RABEP1: variants seen among roughly 807,000 people sequenced by gnomAD.
RABEP1 encodes rab GTPase-binding effector protein 1.
Under a neutral mutation model 123.4 loss-of-function variants are expected in RABEP1, and 51 were observed. The observed-to-expected ratio is 0.41, with a 90% CI of 0.33 to 0.52. The LOEUF is 0.52. RABEP1 is among the 20% of genes least tolerant of loss of function. The pLI, the probability that RABEP1 is intolerant of heterozygous loss-of-function variation, is 0.16. For missense variants in RABEP1, 888 were observed against 996.3 expected, an observed-to-expected ratio of 0.89 and a Z score of 1.46; for synonymous variants, 347 against 355.2, an observed-to-expected ratio of 0.98 and a Z score of 0.26.
intron 2 of RABEP1, among the ~76,000 whole-genome samples, chr17:5,324,482 C>G (rs1195949216): frequency 1.3e-5 from 2 of 152,182 alleles, no homozygotes; most frequent in Non-Finnish European, 2.9e-5. Flanking sequence ...TATGAAGCCA[C>G]TAGAGGAAAA....
chr17:5,379,303 T>C (rs1318386927), intron 15 of RABEP1, among the ~76,000 whole-genome samples: 2 of 152,228 alleles, frequency 1.3e-5, no homozygotes, highest in African/African-American at 4.8e-5. Flanking sequence ...ACAGTGTCAT[T>C]GCATAGGTGC....
At chr17:5,377,091 A>G (rs765615125) in intron 13 of RABEP1, 25 bp from the exon 14 acceptor site, 3 of 1,572,426 alleles carry the variant, frequency 1.9e-6, no homozygotes, top group East Asian at 2.3e-5. Flanking sequence ...CACAAACCCA[A>G]TAATCATTTG....
intron 16 of RABEP1, among the ~76,000 whole-genome samples, chr17:5,380,846 C>T (rs548883387): frequency 3.9e-5 from 6 of 152,320 alleles, no homozygotes; most frequent in South Asian, 2.1e-4. Flanking sequence ...TTAGAATAAA[C>T]GTGCATGTTG....
chr17:5,358,165 C>G (rs1294566635), intron 8 of RABEP1, among the ~76,000 whole-genome samples: 2 of 152,108 alleles, frequency 1.3e-5, no homozygotes, highest in African/African-American at 4.8e-5. Context: ...TCACAGCCAG[C>G]AAGGCCTCCA....
chr17:5,381,652 C>G (rs1567557467), intron 17 of RABEP1, 147 bp downstream of exon 17: 1 of 1,358,180 alleles, frequency 7.4e-7, no homozygotes, highest in Non-Finnish European at 9.7e-7. Flanking sequence ...ACTCATCATT[C>G]AAGCCAGAAA....
Position 5,331,999 on chromosome 17 carries a change from G to A in RABEP1, c.214G>A (p.Gly72Arg), listed in dbSNP as rs1311323207. 6.2e-7 allele frequency: 1 copy of A among 1,613,914 alleles called. No homozygotes were observed. Among genetic ancestry groups the A allele is most frequent in the Non-Finnish European group, 8.5e-7 (1 of 1,179,958 alleles). ...ATTACAAGCTGCACAAGATGATTTG[G>A]GACACCTTCGAACCCAGCTGTGGGA... is the stretch of plus-strand genomic sequence containing the variant. ...AVLQAAQDDL[G>R]HLRTQLWEAQ... The change falls in exon 3 of 18, where the codon GGA becomes AGA. Residue 72 changes from glycine to arginine, a missense_variant. Coordinates refer to ENST00000537505, the MANE Select transcript of RABEP1 (RefSeq NM_004703.6).
At position 5,299,747 on chromosome 17, in the gene RABEP1, TGG is replaced by T. The variant is rs1294229624; in HGVS notation, c.35-8946_35-8945del. Among the ~76,000 whole-genome samples the T allele has an allele frequency of 2.8e-4, 35 of 123,366 alleles. 1 individual carries two copies. Among genetic ancestry groups the T allele is most frequent in the African/African-American group, 8.7e-4 (25 of 28,874 alleles). 80.9% of individuals were successfully genotyped at this position (123,366 alleles called of 152,430 possible). ...TTTCTTTTTCTTTTTTTTTTTTTTT[TGG>T]AGGCAGAGTCTCTCCTTGTCGCCAG... is the stretch of plus-strand genomic sequence containing the variant. On this transcript the variant is annotated intron_variant, in intron 1 of 17. Transcript: ENST00000537505.
chr17:5,382,280 C>A (rs1911539003), intron 17 of RABEP1, among the ~76,000 whole-genome samples: 2 of 151,242 alleles, frequency 1.3e-5, no homozygotes, highest in Non-Finnish European at 2.9e-5. Flanking sequence ...CAGGGTTTCA[C>A]CATGTTGGTC....
rs1184943305 is a variant in RABEP1 at position 5,383,104 on chromosome 17, T to G, written c.2488-18T>G. ...TAGGCAGGAGCCACCTGTAGTTATC[T>G]CACCATTGTTTCTCCAGGTGCAGTT... On this transcript the variant is annotated intron_variant, in intron 17 of 17. Transcript: ENST00000537505. 2 of 1,609,376 alleles carry G rather than the reference T, an allele frequency of 1.2e-6. No homozygotes were observed. Among genetic ancestry groups the G allele is most frequent in the East Asian group, 2.2e-5 (1 of 44,852 alleles).
At chr17:5,344,305 G>T (rs182907322) in intron 5 of RABEP1, among the ~76,000 whole-genome samples, 3 of 145,056 alleles carry the variant, frequency 2.1e-5, no homozygotes, top group African/African-American at 5.2e-5. Flanking sequence ...GGGCATGGTG[G>T]TGCACGCCTA....
At chr17:5,283,157 A>G (rs1175077447) in intron 1 of RABEP1, among the ~76,000 whole-genome samples, 1 of 152,170 alleles carries the variant, frequency 6.6e-6, no homozygotes, top group East Asian at 1.9e-4. Flanking sequence ...CAAGAGGTTA[A>G]TTCATGCCTT....
intron 15 of RABEP1, 67 bp downstream of exon 15, chr17:5,378,299 G>A: frequency 7.2e-7 from 1 of 1,391,472 alleles, no homozygotes; most frequent in Non-Finnish European, 1.0e-6. Flanking sequence ...CTACTATGCT[G>A]CACCCAACGA....
chr17:5,294,949 G>A (rs955552578), intron 1 of RABEP1, among the ~76,000 whole-genome samples: 4 of 150,788 alleles, frequency 2.7e-5, no homozygotes, highest in Admixed American at 1.3e-4. Context: ...CCCGGCCAAC[G>A]GTATTGTCTT....
At chr17:5,302,094 A>T (rs994463537) in intron 1 of RABEP1, among the ~76,000 whole-genome samples, 2 of 152,154 alleles carry the variant, frequency 1.3e-5, no homozygotes, top group Admixed American at 1.3e-4. Context: ...AGCAACTTGG[A>T]TAATGAAGCA....
At chr17:5,344,573 C>G (rs577302739) in intron 5 of RABEP1, among the ~76,000 whole-genome samples, 3 of 151,706 alleles carry the variant, frequency 2.0e-5, no homozygotes, top group East Asian at 1.9e-4. Flanking sequence ...GAGATGGAGA[C>G]CATCCTGGAT....
chr17:5,299,422 T>C (rs998716270), intron 1 of RABEP1, among the ~76,000 whole-genome samples: 3 of 151,584 alleles, frequency 2.0e-5, no homozygotes, highest in East Asian at 1.9e-4. Context: ...ATCACTATTA[T>C]CACTATTATC....
intron 2 of RABEP1, among the ~76,000 whole-genome samples, chr17:5,331,203 T>C (rs925649109): frequency 6.6e-6 from 1 of 152,026 alleles, no homozygotes; most frequent in Admixed American, 6.6e-5. Context: ...AATGAGTCAC[T>C]AGTACATATA....
At chr17:5,305,175 C>G (rs530753409) in intron 1 of RABEP1, among the ~76,000 whole-genome samples, 2 of 151,794 alleles carry the variant, frequency 1.3e-5, no homozygotes, top group Admixed American at 6.6e-5. Context: ...CGATTTGTCT[C>G]GATGTTGTAG....
At chr17:5,358,354 T>A (rs1466538482) in intron 8 of RABEP1, among the ~76,000 whole-genome samples, 1 of 152,180 alleles carries the variant, frequency 6.6e-6, no homozygotes, top group Non-Finnish European at 1.5e-5. Flanking sequence ...TTTTATTTTA[T>A]TTTTTAGTGT....
Sources: gnomAD v4.1 joint callset for allele counts (sites outside exome capture counted in the v4.1 genomes callset) on GRCh38, gnomAD v4.1.1 for gene constraint, MANE v1.5 for transcripts, NCBI Gene and HGNC (gene_info 2026-07-23, HGNC 2026-07-21) for gene names.